The following QRFPR variants were observed in gnomAD, a reference collection of about 807,000 sequenced individuals.
QRFPR encodes pyroglutamylated RFamide peptide receptor.
Under a neutral mutation model 31.3 loss-of-function variants are expected in QRFPR, and 37 were observed. The observed-to-expected ratio is 1.18, with a 90% CI of 0.91 to 1.56. The LOEUF (loss-of-function observed/expected upper bound fraction) is 1.56, where lower values mean the gene tolerates loss of function less well. Ranked by LOEUF, QRFPR falls within the 40% of genes most tolerant of loss-of-function variation. QRFPR has a pLI of 0.00. For synonymous variants in QRFPR, 197 were observed against 192.0 expected, an observed-to-expected ratio of 1.03 and a Z score of -0.22; for missense variants, 542 against 532.5, an observed-to-expected ratio of 1.02 and a Z score of -0.18.
rs1468162214 is a variant in QRFPR, at chr4:121,329,157, C to A, written c.*157G>T. 6.8e-6 allele frequency: 4 copies of A among 586,254 alleles called. No individual in the cohort carries two copies. The Admixed American group carries it at 1.0e-4, about 15-fold the overall frequency. The allele number at this position is 586,254 out of a possible 1,614,324, so 36.3% of individuals were successfully genotyped here. On this transcript the variant is annotated 3_prime_UTR_variant, in exon 6 of 6. Coordinates refer to ENST00000394427, the MANE Select transcript of QRFPR (RefSeq NM_198179.3). Reference sequence around the variant, plus strand: ...GATCAATTGGTTGTAAACATCACTGCACTTGGACTAGCCTCGTGTCATTTT... The same window carrying A: ...GATCAATTGGTTGTAAACATCACTGAACTTGGACTAGCCTCGTGTCATTTT...
intron 1 of QRFPR, among the ~76,000 whole-genome samples, chr4:121,358,895 T>C (rs1725925021): frequency 6.6e-6 from 1 of 152,206 alleles, no homozygotes; most frequent in South Asian, 2.1e-4. Context: ...CATCAACTCA[T>C]AGACTGTCTT....
Position 121,346,807 on chromosome 4 carries a change from G to A in QRFPR, c.341-6197C>T, listed in dbSNP as rs544415344. Among the ~76,000 whole-genome samples the A allele has an allele frequency of 4.3e-4, 66 of 152,174 alleles. 1 individual carries two copies. Among genetic ancestry groups the A allele is most frequent in the South Asian group, 2.5e-3 (12 of 4,818 alleles). ...AATCATATGATTTTTTTCTTCTTTA[G>A]CTTGATGGATATGGTAGATTACACT... On this transcript the variant is annotated intron_variant, in intron 1 of 5. Transcript: ENST00000394427.
intron 1 of QRFPR, among the ~76,000 whole-genome samples, chr4:121,365,540 T>TATTATATA (rs1726087983): frequency 2.1e-4 from 1 of 4,780 alleles, no homozygotes; most frequent in African/African-American, 1.3e-3. Flanking sequence ...ATATAATATA[T>TATTATATA]ATTATATATA....
chr4:121,373,949 G>T (rs1726301302), intron 1 of QRFPR, among the ~76,000 whole-genome samples: 1 of 152,076 alleles, frequency 6.6e-6, no homozygotes, highest in Admixed American at 6.5e-5. Context: ...AGAGAGACAG[G>T]AGCTGTTATA....
Position 121,329,109 on chromosome 4 carries a change from A to G in QRFPR, c.*205T>C. The G allele has an allele frequency of 2.1e-6, 1 of 468,626 alleles. No individual in the cohort carries two copies. The highest frequency in any genetic ancestry group is 3.7e-6 in the Non-Finnish European group (1 of 271,500). 29.0% of individuals were successfully genotyped at this position (468,626 alleles called of 1,614,324 possible). On this transcript the variant is annotated 3_prime_UTR_variant, in exon 6 of 6. Coordinates refer to ENST00000394427, the MANE Select transcript of QRFPR (RefSeq NM_198179.3). ...TGAAGCAGTGGGAATGAGAAGGAACACAGAAATCTGTTAAATGATTGTGAT... is the reference window on the plus strand; with the variant it reads ...TGAAGCAGTGGGAATGAGAAGGAACGCAGAAATCTGTTAAATGATTGTGAT...
intron 1 of QRFPR, among the ~76,000 whole-genome samples, chr4:121,357,051 G>T (rs1235056501): frequency 1.3e-5 from 2 of 152,130 alleles, no homozygotes; most frequent in African/African-American, 2.4e-5. Flanking sequence ...CAGGGTGTTT[G>T]TATTAGTTTC....
chr4:121,357,758 C>T (rs2110477648), intron 1 of QRFPR, among the ~76,000 whole-genome samples: 1 of 152,292 alleles, frequency 6.6e-6, no homozygotes. Flanking sequence ...GGCAGCAAAG[C>T]TTAAGAACCA....
chr4:121,332,152 C>G (rs1316802623), intron 4 of QRFPR, among the ~76,000 whole-genome samples: 1 of 152,136 alleles, frequency 6.6e-6, no homozygotes, highest in Non-Finnish European at 1.5e-5. Flanking sequence ...AATCACCAGA[C>G]TCCTCCATTT....
At chr4:121,375,871 C>T (rs893394426) in intron 1 of QRFPR, among the ~76,000 whole-genome samples, 1 of 152,156 alleles carries the variant, frequency 6.6e-6, no homozygotes, top group Non-Finnish European at 1.5e-5. Flanking sequence ...GAGTGGTGTT[C>T]TGCAGCACTG....
intron 4 of QRFPR, among the ~76,000 whole-genome samples, chr4:121,332,267 A>G (rs912737879): frequency 5.9e-5 from 9 of 152,194 alleles, no homozygotes; most frequent in African/African-American, 2.2e-4. Flanking sequence ...TAAAATTTCT[A>G]TTAATGAATA....
At chr4:121,365,592 ATATATATATAATATATATATTATATATAT>A (rs1560743991) in intron 1 of QRFPR, among the ~76,000 whole-genome samples, 5 of 6,108 alleles carry the variant, frequency 8.2e-4, no homozygotes, top group African/African-American at 3.5e-3. Context: ...TATATATATT[ATATATATATAATATATATATTATATATAT>A]TATATATTAT....
intron 2 of QRFPR, among the ~76,000 whole-genome samples, chr4:121,339,588 G>A (rs904069290): frequency 6.6e-6 from 1 of 152,044 alleles, no homozygotes. Flanking sequence ...TCACCACAAG[G>A]GCAGCAACCC....
intron 1 of QRFPR, among the ~76,000 whole-genome samples, chr4:121,372,601 CT>C (rs1232625161): frequency 1.3e-5 from 2 of 152,332 alleles, no homozygotes; most frequent in African/African-American, 4.8e-5. Context: ...CCCATAGCCC[CT>C]GGTAACATTA....
At chr4:121,358,516 T>C (rs1424462832) in intron 1 of QRFPR, among the ~76,000 whole-genome samples, 1 of 152,226 alleles carries the variant, frequency 6.6e-6, no homozygotes, top group African/African-American at 2.4e-5. Context: ...ATACATATTT[T>C]ATTTATTAAT....
In QRFPR at chr4:121,332,730, T is replaced by A; in HGVS notation, c.797+91A>T. 4.3e-6 allele frequency: 4 copies of A among 923,226 alleles called. No homozygotes were observed. In the African/African-American group the frequency reaches 5.0e-5, roughly 12 times the overall value. 57.2% of individuals were successfully genotyped at this position (923,226 alleles called of 1,614,324 possible). ...ATTGCAAAGGATGCTTAGACTAAATTACCTAGAGGTTCTGAGAGCCCTGGC... is the reference window on the plus strand; with the variant it reads ...ATTGCAAAGGATGCTTAGACTAAATAACCTAGAGGTTCTGAGAGCCCTGGC... On this transcript the variant is annotated intron_variant, in intron 4 of 5. Coordinates refer to ENST00000394427, the MANE Select transcript of QRFPR (RefSeq NM_198179.3).
chr4:121,332,054 A>G (rs1725337966), intron 4 of QRFPR, among the ~76,000 whole-genome samples: 1 of 152,200 alleles, frequency 6.6e-6, no homozygotes, highest in Admixed American at 6.5e-5. Context: ...GAGCCCCTGT[A>G]CATTGACAAG....
intron 1 of QRFPR, among the ~76,000 whole-genome samples, chr4:121,346,632 A>C (rs1047870563): frequency 1.3e-5 from 2 of 152,168 alleles, no homozygotes; most frequent in Non-Finnish European, 2.9e-5. Flanking sequence ...TAGAAGAAAA[A>C]CATTCCGTCT....
chr4:121,370,725 T>C (rs910837099), intron 1 of QRFPR, among the ~76,000 whole-genome samples: 18 of 152,206 alleles, frequency 1.2e-4, no homozygotes, highest in Non-Finnish European at 2.5e-4. Context: ...CGTTAACATA[T>C]TTTCATACAT....
chr4:121,338,365 A>G (rs927344776), intron 2 of QRFPR, among the ~76,000 whole-genome samples: 3 of 152,164 alleles, frequency 2.0e-5, no homozygotes, highest in Admixed American at 1.3e-4. Context: ...TGGATGAACA[A>G]TACTGACACA....
Sources: allele counts gnomAD v4.1 joint callset (sites outside exome capture counted in the v4.1 genomes callset), GRCh38; gene constraint gnomAD v4.1.1; transcripts MANE v1.5; gene names NCBI Gene and HGNC (gene_info 2026-07-23, HGNC 2026-07-21).